NBPF11: variants seen among roughly 807,000 people sequenced by gnomAD.
NBPF11 encodes NBPF member 11.
NBPF11 carries 72 observed loss-of-function variants against 93.9 expected under a neutral mutation model. The ratio of observed to expected loss-of-function variants is 0.77; its 90% CI spans 0.63 to 0.93. NBPF11 has a LOEUF of 0.93. Ranked by LOEUF, NBPF11 falls within the 40% of genes least tolerant of loss-of-function variation. The probability of loss-of-function intolerance (pLI) is 0.00; values close to 1 mark genes in which losing one functional copy is unlikely to be tolerated. For synonymous variants in NBPF11, 224 were observed against 304.9 expected (o/e 0.73, Z 2.76); for missense variants, 705 against 802.2 (o/e 0.88, Z 1.46).
chr1:148,115,414 A>C (rs1433412547), intron 14 of NBPF11, among the ~76,000 whole-genome samples: 1 of 150,106 alleles, frequency 6.7e-6, no homozygotes, highest in Non-Finnish European at 1.5e-5. Context: ...AATATTTCCA[A>C]ATACAAAGGC....
chr1:148,146,922 G>A (rs1673225764), intron 1 of NBPF11: 1 of 1,608,102 alleles, frequency 6.2e-7, no homozygotes, highest in Admixed American at 1.7e-5. Context: ...TGCGCACCAG[G>A]TGAGGGCGAC....
At chr1:148,147,126 C>T (rs1673276201) in intron 1 of NBPF11, among the ~76,000 whole-genome samples, 2 of 152,174 alleles carry the variant, frequency 1.3e-5, no homozygotes, top group African/African-American at 4.8e-5. Context: ...CCAGGCGGTC[C>T]TCCCACACCC....
rs1553276909 is a variant in NBPF11, at chr1:148,146,697, C to A, written c.-548-3011G>T. On this transcript the variant is annotated intron_variant, in intron 1 of 23. Coordinates refer to ENST00000682118, the MANE Select transcript of NBPF11 (RefSeq NM_001385469.3). ...GCGCCCGCGGCAACCGTGTCTCCTG[C>A]ATGTATGTTCGCTGCGTGCCTGGTG... is the stretch of plus-strand genomic sequence containing the variant. The A allele has an allele frequency of 9.3e-6, 15 of 1,611,918 alleles. No homozygotes were observed. The South Asian group carries it at 1.4e-4, about 15-fold the overall frequency.
At chr1:148,125,578 A>G (rs1407357476) in intron 5 of NBPF11, among the ~76,000 whole-genome samples, 4 of 152,090 alleles carry the variant, frequency 2.6e-5, no homozygotes, top group Non-Finnish European at 5.9e-5. Flanking sequence ...TATTAGTATG[A>G]GAGGCAGCAT....
At chr1:148,147,139 G>A (rs1241638719) in intron 1 of NBPF11, among the ~76,000 whole-genome samples, 1 of 152,184 alleles carries the variant, frequency 6.6e-6, no homozygotes. Context: ...CCACACCCTG[G>A]CCTGTGGAGC....
intron 10 of NBPF11, among the ~76,000 whole-genome samples, chr1:148,120,293 A>G (rs1244655613): frequency 6.6e-5 from 10 of 151,334 alleles, no homozygotes; most frequent in African/African-American, 2.4e-4. Flanking sequence ...CTCTAGTCCC[A>G]CCCCCACCTG....
At chr1:148,115,613 T>G (rs1454466540) in intron 14 of NBPF11, among the ~76,000 whole-genome samples, 180 bp downstream of exon 14, 1 of 151,934 alleles carries the variant, frequency 6.6e-6, no homozygotes, top group African/African-American at 2.4e-5. Context: ...AACTTGATAC[T>G]GGGGACTGGC....
At chr1:148,116,665 A>G (rs1666631714) in intron 12 of NBPF11, 130 bp from the exon 13 acceptor site, 3 of 593,030 alleles carry the variant, frequency 5.1e-6, no homozygotes, top group Non-Finnish European at 9.0e-6. Context: ...CTCATGTTTT[A>G]TCTTTAACAG....
Position 148,122,115 on chromosome 1 carries a change from G to C in NBPF11, c.718C>G (p.Leu240Val), listed in dbSNP as rs1553271753. The change falls in exon 9 of 24, where the codon CTG (leucine) becomes GTG (valine). Residue 240 changes from leucine to valine, a missense_variant. Physicochemically the swap from Leu to Val is conservative, Grantham distance 32. Coordinates refer to ENST00000682118, the MANE Select transcript of NBPF11 (RefSeq NM_001385469.3). Reference protein sequence around the residue: ...TFEEDKVNSSLVVDRESSHDG... With the variant: ...TFEEDKVNSSVVVDRESSHDG... ...TGAGAGGATTCTCTGTCTACAACCAGAGATGAGTTGACTTTGTCTTCCTCA... is the reference window on the plus strand; with the variant it reads ...TGAGAGGATTCTCTGTCTACAACCACAGATGAGTTGACTTTGTCTTCCTCA... 6.2e-7 allele frequency: 1 copy of C among 1,613,350 alleles called. No homozygotes were observed. The highest frequency in any genetic ancestry group is 8.5e-7 in the Non-Finnish European group (1 of 1,179,598).
intron 12 of NBPF11, among the ~76,000 whole-genome samples, 155 bp from the exon 13 acceptor site, chr1:148,116,690 GT>G (rs1666638048): frequency 6.6e-6 from 1 of 151,456 alleles, no homozygotes; most frequent in African/African-American, 2.4e-5. Context: ...CCCTGGCATG[GT>G]TTCCTGGTCC....
chr1:148,121,600 C>G (rs1667876619), intron 9 of NBPF11, among the ~76,000 whole-genome samples: 1 of 151,676 alleles, frequency 6.6e-6, no homozygotes. Context: ...CGTGATCCAC[C>G]CGCCTCGGCC....
At position 148,102,606 on chromosome 1, in the gene NBPF11, T is replaced by G. The variant is rs11810675; in HGVS notation, c.*1290A>C. ...TCAAAAAGTTTAGGCTGAATTTAAT[T>G]ATGAAGACATTTTCAGACAACTTCA... On this transcript the variant is annotated 3_prime_UTR_variant, in exon 24 of 24. Transcript: ENST00000682118. 2 of 149,974 alleles carry G rather than the reference T, an allele frequency of 1.3e-5. No homozygotes were observed. The highest frequency in any genetic ancestry group is 2.9e-5 in the Non-Finnish European group (2 of 67,890). The allele number at this position is 149,974 out of a possible 1,614,324, so 9.3% of individuals were successfully genotyped here. A position where few individuals can be genotyped will look rare whatever the true frequency, so the allele number is the denominator to read the frequency against.
At chr1:148,123,428 T>G (rs1309285405) in intron 7 of NBPF11, among the ~76,000 whole-genome samples, 2 of 152,236 alleles carry the variant, frequency 1.3e-5, no homozygotes, top group Non-Finnish European at 2.9e-5. Flanking sequence ...AGAGACAATT[T>G]GTCTGCCTTT....
In NBPF11 at chr1:148,124,067, C is replaced by A. The variant is rs1171608655; in HGVS notation, c.279G>T (p.Arg93Ser). Reference protein sequence around the residue: ...AEQLKQAEELRQYKVLVHSQE... With the variant: ...AEQLKQAEELSQYKVLVHSQE... ...GAGAGTGAACCAGGACTTTATATTG[C>A]CTAAGGTGAGACGGTAGAGAAAATT... Residue 93 changes from arginine to serine, a missense_variant and splice_region_variant, in exon 7 of 24, where the codon AGG becomes AGT. This residue lies in a region of NBPF11 where 128 missense variants were observed against 112.8 expected (regional missense o/e 1.14). Transcript: ENST00000682118. 1 of 1,603,738 alleles carries A rather than the reference C, an allele frequency of 6.2e-7. No individual in the cohort carries two copies. The highest frequency in any genetic ancestry group is 1.3e-5 in the African/African-American group (1 of 74,310).
At position 148,125,399 on chromosome 1, in the gene NBPF11, G is replaced by A. The variant is rs1271305489; in HGVS notation, c.176-398C>T. The stretch of plus-strand genomic sequence containing the variant: ...GTCAGGAAGGCCCCTAGGACTATGG[G>A]ACTGATGGTTTCCCTTTTACTGGGT... On this transcript the variant is annotated intron_variant, in intron 5 of 23. Transcript: ENST00000682118. 3.9e-5 allele frequency among the ~76,000 whole-genome samples: 6 copies of A among 152,100 alleles called. No homozygotes were observed. The East Asian group carries it at 7.7e-4, about 20-fold the overall frequency.
intron 1 of NBPF11, chr1:148,146,607 G>T: frequency 6.2e-7 from 1 of 1,610,420 alleles, no homozygotes; most frequent in Non-Finnish European, 8.5e-7. Flanking sequence ...TGCACCTGAC[G>T]GAGCGTGCCG....
intron 1 of NBPF11, chr1:148,146,293 C>G: frequency 2.2e-6 from 3 of 1,343,162 alleles, no homozygotes; most frequent in Non-Finnish European, 2.9e-6. Context: ...GCTCTCCCCC[C>G]TGCCCGCGAC....
chr1:148,117,063 A>T (rs1666739478), intron 12 of NBPF11, among the ~76,000 whole-genome samples: 1 of 152,026 alleles, frequency 6.6e-6, no homozygotes, highest in South Asian at 2.1e-4. Flanking sequence ...TGCCTTCTCC[A>T]ACACCACACG....
intron 1 of NBPF11, among the ~76,000 whole-genome samples, chr1:148,147,121 C>T (rs1161274354): frequency 8.5e-5 from 13 of 152,152 alleles, no homozygotes; most frequent in South Asian, 4.1e-4. Context: ...TGTGGCCAGG[C>T]GGTCCTCCCA....
Sources: allele counts gnomAD v4.1 joint callset (sites outside exome capture counted in the v4.1 genomes callset), GRCh38; gene constraint gnomAD v4.1.1; regional missense constraint gnomAD v4.1.1; transcripts MANE v1.5; gene names NCBI Gene and HGNC (gene_info 2026-07-23, HGNC 2026-07-21).